Variants in DCC observed in about 807,000 individuals in gnomAD.
DCC encodes the protein netrin receptor DCC.
Under a neutral mutation model 172.5 loss-of-function variants are expected in DCC, and 58 were observed. The observed-to-expected ratio is 0.34, with a 90% CI of 0.27 to 0.42. The LOEUF (loss-of-function observed/expected upper bound fraction) is 0.42, where lower values mean the gene tolerates loss of function less well. DCC is among the 10% of genes least tolerant of loss of function. DCC has a pLI of 1.00. For synonymous variants in DCC, 709 were observed against 644.5 expected (o/e 1.10, Z -1.52); for missense variants, 1,740 against 1,791.0 (o/e 0.97, Z 0.51).
chr18:52,683,336 T>A (rs2035779077), intron 1 of DCC, among the ~76,000 whole-genome samples: 1 of 152,116 alleles, frequency 6.6e-6, no homozygotes, highest in African/African-American at 2.4e-5. Flanking sequence ...GTTGGTATTC[T>A]ATAATAGGTA....
intron 27 of DCC, among the ~76,000 whole-genome samples, chr18:53,499,819 C>T (rs1364941941): frequency 1.3e-5 from 2 of 152,112 alleles, no homozygotes; most frequent in Non-Finnish European, 2.9e-5. Context: ...ATTCCTGATT[C>T]CCTAACTTCA....
chr18:53,504,325 G>A (rs2046142095), intron 27 of DCC, among the ~76,000 whole-genome samples: 1 of 152,168 alleles, frequency 6.6e-6, no homozygotes, highest in Non-Finnish European at 1.5e-5. Context: ...GGTCATGGGA[G>A]ATCAGACATC....
chr18:53,296,053 A>C (rs1232031373), intron 12 of DCC, among the ~76,000 whole-genome samples: 1 of 152,230 alleles, frequency 6.6e-6, no homozygotes, highest in Non-Finnish European at 1.5e-5. Flanking sequence ...TAGAAGTTAC[A>C]AAAGTGTTGC....
At chr18:53,212,734 A>G (rs1214668213) in intron 11 of DCC, among the ~76,000 whole-genome samples, 2 of 151,438 alleles carry the variant, frequency 1.3e-5, no homozygotes, top group African/African-American at 4.9e-5. Context: ...GCAGTGGCAC[A>G]ATCTCAGCTC....
chr18:52,626,259 G>A (rs954360908), intron 1 of DCC, among the ~76,000 whole-genome samples: 1 of 152,010 alleles, frequency 6.6e-6, no homozygotes, highest in Non-Finnish European at 1.5e-5. Flanking sequence ...CATATAGATG[G>A]AAAACCATAA....
intron 22 of DCC, among the ~76,000 whole-genome samples, chr18:53,440,595 T>C (rs1306422692): frequency 5.3e-5 from 8 of 152,038 alleles, no homozygotes; most frequent in Non-Finnish European, 7.4e-5. Context: ...CATTCCAAGG[T>C]TGGTAACTAT....
At chr18:53,184,017 A>C (rs9955155) in intron 9 of DCC, among the ~76,000 whole-genome samples, 26,015 of 151,500 alleles carry the variant, frequency 0.17, 2,576 homozygotes, top group African/African-American at 0.28. Context: ...AAAAAAAAAA[A>C]AAAAACTCCC....
chr18:53,108,904 A>G (rs886953276), intron 7 of DCC, among the ~76,000 whole-genome samples: 3 of 151,226 alleles, frequency 2.0e-5, no homozygotes, highest in African/African-American at 7.3e-5. Flanking sequence ...TGGCTTTCCT[A>G]TGCAGCAAGC....
At chr18:52,925,493 C>A in intron 5 of DCC, 123 bp downstream of exon 5, 1 of 948,124 alleles carries the variant, frequency 1.1e-6, no homozygotes, top group South Asian at 1.3e-5. Context: ...AGTCCCAATA[C>A]TCCACACATG....
At chr18:52,805,880 T>C (rs571057367) in intron 2 of DCC, among the ~76,000 whole-genome samples, 19 of 152,322 alleles carry the variant, frequency 1.2e-4, no homozygotes, top group African/African-American at 3.8e-4. Context: ...ATTTTGTGTT[T>C]AGTTGAAATA....
chr18:53,470,352 C>T (rs1440016238), intron 25 of DCC, among the ~76,000 whole-genome samples: 1 of 152,114 alleles, frequency 6.6e-6, no homozygotes, highest in South Asian at 2.1e-4. Flanking sequence ...ACTTCATTGT[C>T]CATATCACTA....
chr18:53,308,026 A>T (rs1159070911), intron 13 of DCC, among the ~76,000 whole-genome samples: 1 of 148,964 alleles, frequency 6.7e-6, no homozygotes, highest in Non-Finnish European at 1.5e-5. Flanking sequence ...TAAAGATATG[A>T]CCCAGGTTTC....
chr18:53,103,603 G>T (rs1048163722), intron 7 of DCC, among the ~76,000 whole-genome samples: 2 of 151,998 alleles, frequency 1.3e-5, no homozygotes, highest in African/African-American at 2.4e-5. Flanking sequence ...AAAGCCAATA[G>T]TTGTCATTTG....
rs2046563952 is a variant in DCC, at chr18:53,535,294, T to A, written c.*4641T>A. The A allele has an allele frequency of 6.6e-6, 1 of 151,844 alleles. No individual in the cohort carries two copies. Among genetic ancestry groups the A allele is most frequent in the South Asian group, 2.1e-4 (1 of 4,732 alleles). The allele number at this position is 151,844 out of a possible 1,614,324, so 9.4% of individuals were successfully genotyped here. ...CGGCTGTTAAAGCTGCAGTGTTCCA[T>A]ACCTCAGAGGGACCACTTTGGAAAT... On this transcript the variant is annotated 3_prime_UTR_variant, in exon 29 of 29. Transcript: ENST00000442544.
chr18:52,855,591 T>G (rs557699920), intron 2 of DCC, among the ~76,000 whole-genome samples: 1 of 152,254 alleles, frequency 6.6e-6, no homozygotes, highest in Admixed American at 6.5e-5. Context: ...ATGCTCATGA[T>G]CCACTCTAGC....
At chr18:52,544,401 T>C (rs888791035) in intron 1 of DCC, among the ~76,000 whole-genome samples, 19 of 152,038 alleles carry the variant, frequency 1.2e-4, no homozygotes. Context: ...GTCATCCCCA[T>C]TGGCATTTCC....
chr18:52,601,053 G>A (rs982791023), intron 1 of DCC, among the ~76,000 whole-genome samples: 5 of 151,884 alleles, frequency 3.3e-5, no homozygotes, highest in South Asian at 2.1e-4. Flanking sequence ...CTTCTGAGTC[G>A]AATTTCAAAA....
chr18:52,545,930 G>A (rs1252356593), intron 1 of DCC, among the ~76,000 whole-genome samples: 1 of 152,032 alleles, frequency 6.6e-6, no homozygotes, highest in African/African-American at 2.4e-5. Context: ...ATTTTATATT[G>A]GGCTAAATGC....
chr18:52,923,196 A>C (rs2040150894), intron 3 of DCC, among the ~76,000 whole-genome samples: 1 of 152,174 alleles, frequency 6.6e-6, no homozygotes, highest in African/African-American at 2.4e-5. Flanking sequence ...CTAAGAAAGC[A>C]GTTATTTTCT....
Sources: allele counts gnomAD v4.1 joint callset (sites outside exome capture counted in the v4.1 genomes callset), GRCh38; gene constraint gnomAD v4.1.1; transcripts MANE v1.5; gene names NCBI Gene and HGNC (gene_info 2026-07-23, HGNC 2026-07-21).